ATP2B2: variants seen among roughly 807,000 people sequenced by gnomAD.
The protein encoded by ATP2B2 is plasma membrane calcium-transporting ATPase 2.
Under a neutral mutation model 120.0 loss-of-function variants are expected in ATP2B2, and 15 were observed. The observed-to-expected ratio is 0.12, with a 90% CI of 0.08 to 0.19. The LOEUF is 0.19. ATP2B2 is among the 10% of genes least tolerant of loss of function. The probability of loss-of-function intolerance (pLI) is 1.00; values close to 1 mark genes in which losing one functional copy is unlikely to be tolerated. For missense variants in ATP2B2, 1,045 were observed against 1,719.8 expected, an observed-to-expected ratio of 0.61 and a Z score of 6.94; for synonymous variants, 694 against 700.3, an observed-to-expected ratio of 0.99 and a Z score of 0.14.
chr3:10,462,871 C>T (rs1291579861), intron 1 of ATP2B2, among the ~76,000 whole-genome samples: 1 of 152,204 alleles, frequency 6.6e-6, no homozygotes, highest in Non-Finnish European at 1.5e-5. Flanking sequence ...TCTGAGCTGG[C>T]CTCCTTGGGG....
rs2060312818 is a variant in ATP2B2, at chr3:10,342,675, A to G, written c.2917+77T>C. ...AACAGGAGGGGGTTGTGACTCGAGA[A>G]TGCTGGGTGAGAGCCATGGTGCACC... On this transcript the variant is annotated intron_variant, in intron 19 of 22. Transcript: ENST00000360273. The surrounding 1 kb of genome is among the most constrained non-coding windows in gnomAD (Gnocchi z 4.4). 1.3e-6 allele frequency: 2 copies of G among 1,530,224 alleles called. No individual in the cohort carries two copies. The highest frequency in any genetic ancestry group is 1.8e-6 in the Non-Finnish European group (2 of 1,108,562). The allele number at this position is 1,530,224 out of a possible 1,614,324, so 94.8% of individuals were successfully genotyped here. A position where few individuals can be genotyped will look rare whatever the true frequency, so the allele number is the denominator to read the frequency against.
intron 5 of ATP2B2, among the ~76,000 whole-genome samples, chr3:10,388,887 G>A (rs1171678196): frequency 6.6e-6 from 1 of 152,146 alleles, no homozygotes; most frequent in African/African-American, 2.4e-5. Flanking sequence ...GCTAGATCTT[G>A]TTATTCAGTG....
chr3:10,399,159 G>A (rs1277178248), intron 5 of ATP2B2, among the ~76,000 whole-genome samples: 1 of 152,192 alleles, frequency 6.6e-6, no homozygotes. Flanking sequence ...CACATATCCA[G>A]AGGACATACC....
chr3:10,496,422 C>G (rs1389104057), intron 1 of ATP2B2, among the ~76,000 whole-genome samples: 3 of 152,214 alleles, frequency 2.0e-5, no homozygotes, highest in Non-Finnish European at 4.4e-5. Flanking sequence ...GCAGCCGTGG[C>G]CAATAACTAT....
At chr3:10,416,669 C>T (rs1232020345) in intron 2 of ATP2B2, among the ~76,000 whole-genome samples, 1 of 151,942 alleles carries the variant, frequency 6.6e-6, no homozygotes, top group East Asian at 1.9e-4. Flanking sequence ...GGAGCCTGTG[C>T]TTTGGCCCCA....
At chr3:10,693,101 A>G (rs1188724015) in intron 1 of ATP2B2, among the ~76,000 whole-genome samples, 1 of 152,198 alleles carries the variant, frequency 6.6e-6, no homozygotes, top group Non-Finnish European at 1.5e-5. Flanking sequence ...TGCCTGACAC[A>G]CTGTATCGCA....
chr3:10,568,417 C>A (rs772313340), intron 2 of ATP2B2, among the ~76,000 whole-genome samples: 31 of 152,254 alleles, frequency 2.0e-4, no homozygotes, highest in Middle Eastern at 3.4e-3. Context: ...GTGTGAAAAC[C>A]CACACACTTG....
intron 2 of ATP2B2, among the ~76,000 whole-genome samples, chr3:10,590,275 G>A (rs931391124): frequency 1.3e-5 from 2 of 152,228 alleles, no homozygotes; most frequent in African/African-American, 4.8e-5. Context: ...GAGGGAAAAG[G>A]GTTGACCACA....
At chr3:10,379,195 G>T (rs777697816) in intron 9 of ATP2B2, 48 bp downstream of exon 9, 13 of 1,595,322 alleles carry the variant, frequency 8.1e-6, no homozygotes, top group Non-Finnish European at 1.1e-5. Flanking sequence ...AGAGCCGGTG[G>T]GGAGGGGCCT....
At chr3:10,508,908 C>T (rs528625082), upstream of ATP2B2, among the ~76,000 whole-genome samples, 17 of 152,200 alleles carry the variant, frequency 1.1e-4, no homozygotes, top group African/African-American at 3.4e-4. Context: ...TGGTGGACAC[C>T]GATTGAGAGT....
intron 2 of ATP2B2, among the ~76,000 whole-genome samples, chr3:10,585,865 C>T (rs1363174159): frequency 3.3e-5 from 5 of 152,190 alleles, no homozygotes; most frequent in East Asian, 1.9e-4. Flanking sequence ...TATTTGCTTT[C>T]GTGTTCCCTC....
At chr3:10,522,619 A>G (rs573215373) in intron 3 of ATP2B2, among the ~76,000 whole-genome samples, 31 of 152,386 alleles carry the variant, frequency 2.0e-4, no homozygotes, top group African/African-American at 6.7e-4. Context: ...TACTGCTAAA[A>G]TGTGCTGAAT....
chr3:10,358,703 C>A lies in ATP2B2; in HGVS notation c.2124G>T (p.Pro708=). The change falls in exon 14 of 23, where the codon CCG becomes CCT. Residue 708 remains proline (P), a synonymous_variant. Coordinates refer to ENST00000360273, the MANE Select transcript of ATP2B2 (RefSeq NM_001001331.4). The stretch of plus-strand genomic sequence containing the variant: ...CCCTGGGGCCTACCTCTGGCCGCAC[C>A]GGGTCCTCGATGCCCACCACGCAGA... ...TCICVVGIED[P]VRPEVPEAIR... The A allele has an allele frequency of 6.2e-7, 1 of 1,614,162 alleles. No homozygotes were observed. The highest frequency in any genetic ancestry group is 1.7e-5 in the Admixed American group (1 of 60,026).
chr3:10,591,281 C>T (rs1056924879), intron 2 of ATP2B2, among the ~76,000 whole-genome samples: 5 of 152,156 alleles, frequency 3.3e-5, no homozygotes, highest in Non-Finnish European at 5.9e-5. Flanking sequence ...TGTTCCACAA[C>T]GCACTCTGTG....
intron 1 of ATP2B2, among the ~76,000 whole-genome samples, chr3:10,688,730 C>A (rs576795264): frequency 1.3e-5 from 2 of 152,324 alleles, no homozygotes; most frequent in South Asian, 4.1e-4. Flanking sequence ...CTTTACAAAA[C>A]CCTCAAAGTG....
chr3:10,512,092 G>A (rs1181612165), intron 3 of ATP2B2, among the ~76,000 whole-genome samples: 7 of 152,270 alleles, frequency 4.6e-5, no homozygotes, highest in East Asian at 1.9e-4. Context: ...GTGAGGAAAC[G>A]AGCCCAGAGA....
chr3:10,346,176 A>G lies in ATP2B2; in HGVS notation c.2405-39T>C. On this transcript the variant is annotated intron_variant, in intron 16 of 22. Transcript: ENST00000360273. The surrounding 1 kb of genome is among the most constrained non-coding windows in gnomAD (Gnocchi z 4.1). Reference sequence around the variant, plus strand: ...AGTGTGCTCAGGCCCTGGGCCACTCAGGTGGGAGGCAGCCTGGGCCAGCCC... The same window carrying G: ...AGTGTGCTCAGGCCCTGGGCCACTCGGGTGGGAGGCAGCCTGGGCCAGCCC... 5 of 1,598,242 alleles carry G rather than the reference A, an allele frequency of 3.1e-6. No individual in the cohort carries two copies. The highest frequency in any genetic ancestry group is 4.3e-6 in the Non-Finnish European group (5 of 1,174,002).
At chr3:10,563,910 G>A (rs1395151694) in intron 2 of ATP2B2, among the ~76,000 whole-genome samples, 1 of 152,224 alleles carries the variant, frequency 6.6e-6, no homozygotes, top group African/African-American at 2.4e-5. Context: ...AGAACACACA[G>A]TGGAGCCAGG....
rs76189968 is a variant in ATP2B2 at position 10,475,489 on chromosome 3, C to T, written c.-319-25627G>A. ...ATGTGTTGGGCACCACACATTTGGT[C>T]ATGGGCACGGATTGGGGTTAGGCAG... On this transcript the variant is annotated intron_variant, in intron 1 of 22. Coordinates refer to ENST00000360273, the MANE Select transcript of ATP2B2 (RefSeq NM_001001331.4). Among the ~76,000 whole-genome samples the T allele has an allele frequency of 5.3e-3, 803 of 152,342 alleles. 7 individuals carry two copies. Among genetic ancestry groups the T allele is most frequent in the African/African-American group, 0.018 (762 of 41,582 alleles).
Sources: gnomAD v4.1 joint callset for allele counts (sites outside exome capture counted in the v4.1 genomes callset) on GRCh38, gnomAD v4.1.1 for gene constraint, Gnocchi (gnomAD v3.1) non-coding constraint, MANE v1.5 for transcripts, NCBI Gene and HGNC (gene_info 2026-07-23, HGNC 2026-07-21) for gene names.